Variants in ZNF730 observed in about 807,000 individuals in gnomAD.
ZNF730 encodes the protein zinc finger protein 730, also known as putative zinc finger protein 730.
In ZNF730, 12 loss-of-function variants were observed where a neutral mutation model predicts 12.6. The observed-to-expected ratio is 0.95, with a 90% confidence interval of 0.61 to 1.54. The LOEUF (loss-of-function observed/expected upper bound fraction) is 1.54. Ranked by LOEUF, ZNF730 falls within the 40% of genes most tolerant of loss-of-function variation. The probability of loss-of-function intolerance (pLI) is 0.00; values close to 1 mark genes in which losing one functional copy is unlikely to be tolerated. For synonymous variants in ZNF730, 194 were observed against 195.8 expected (o/e 0.99, Z 0.08); for missense variants, 643 against 583.5 (o/e 1.10, Z -1.05).
intron 1 of ZNF730, among the ~76,000 whole-genome samples, chr19:23,094,755 T>G (rs1970222031): frequency 6.6e-6 from 1 of 152,202 alleles, no homozygotes; most frequent in African/African-American, 2.4e-5. Context: ...ATTACAGTCG[T>G]GAGCCAAGGA....
chr19:23,140,630 A>G (rs549989564), intron 3 of ZNF730, among the ~76,000 whole-genome samples: 1 of 148,036 alleles, frequency 6.8e-6, no homozygotes, highest in Admixed American at 6.8e-5. Context: ...AAAAAGATGT[A>G]AAAACATATA....
At chr19:23,109,654 G>C (rs1425352898) in intron 1 of ZNF730, among the ~76,000 whole-genome samples, 1 of 151,976 alleles carries the variant, frequency 6.6e-6, no homozygotes, top group African/African-American at 2.4e-5. Flanking sequence ...TTGAATTCCT[G>C]AGCCCGCCTC....
chr19:23,087,865 G>A (rs1376971056), intron 1 of ZNF730, among the ~76,000 whole-genome samples: 6 of 151,862 alleles, frequency 4.0e-5, no homozygotes, highest in African/African-American at 7.2e-5. Context: ...CCACCACCTC[G>A]GCCTCCCAAA....
intron 1 of ZNF730, among the ~76,000 whole-genome samples, chr19:23,103,606 A>G (rs140728205): frequency 1.1e-4 from 17 of 152,270 alleles, no homozygotes; most frequent in African/African-American, 4.1e-4. Flanking sequence ...TGGATACTTC[A>G]GAGGGTCCCT....
chr19:23,093,717 G>T (rs1169226145), intron 1 of ZNF730, among the ~76,000 whole-genome samples: 1 of 152,210 alleles, frequency 6.6e-6, no homozygotes, highest in African/African-American at 2.4e-5. Context: ...CACCCCAGGG[G>T]TAGGGTGGTC....
chr19:23,091,300 G>A (rs1048360526), intron 1 of ZNF730, among the ~76,000 whole-genome samples: 8 of 152,216 alleles, frequency 5.3e-5, no homozygotes, highest in African/African-American at 1.9e-4. Context: ...TTTGCTGCAG[G>A]GGTGGAGCCC....
chr19:23,077,424 C>CTTTTTTTTTTTT (rs71163442), intron 1 of ZNF730, among the ~76,000 whole-genome samples: 2 of 45,568 alleles, frequency 4.4e-5, no homozygotes, highest in African/African-American at 1.8e-4. Flanking sequence ...TCCCTAAGAG[C>CTTTTTTTTTTTT]TTTTTTTTTT....
intron 3 of ZNF730, among the ~76,000 whole-genome samples, chr19:23,137,005 C>T (rs926650955): frequency 3.9e-5 from 6 of 151,950 alleles, no homozygotes; most frequent in African/African-American, 1.5e-4. Context: ...CCTGTCTCTA[C>T]TAAAAATACA....
chr19:23,078,055 C>T (rs957843575), intron 1 of ZNF730, among the ~76,000 whole-genome samples: 6 of 152,150 alleles, frequency 3.9e-5, no homozygotes, highest in Admixed American at 3.9e-4. Flanking sequence ...GGGACCTCTG[C>T]CTAGGAAAGC....
At chr19:23,092,851 T>G (rs996289442) in intron 1 of ZNF730, among the ~76,000 whole-genome samples, 3 of 152,194 alleles carry the variant, frequency 2.0e-5, no homozygotes, top group African/African-American at 7.2e-5. Flanking sequence ...TGTTGAAATT[T>G]TTTGCATCAC....
At chr19:23,118,348 G>A (rs1001940175) in intron 1 of ZNF730, among the ~76,000 whole-genome samples, 1 of 150,412 alleles carries the variant, frequency 6.6e-6, no homozygotes, top group East Asian at 1.9e-4. Context: ...AAGTGTTTTG[G>A]GGTCAAGTTT....
intron 1 of ZNF730, among the ~76,000 whole-genome samples, chr19:23,102,659 C>T (rs970023207): frequency 1.3e-4 from 20 of 152,050 alleles, no homozygotes; most frequent in African/African-American, 4.6e-4. Context: ...CCAATCCCGG[C>T]TAATTTTTGT....
At chr19:23,105,911 G>C (rs1185976297) in intron 1 of ZNF730, among the ~76,000 whole-genome samples, 1 of 152,152 alleles carries the variant, frequency 6.6e-6, no homozygotes, top group Non-Finnish European at 1.5e-5. Context: ...AGTCAGACAT[G>C]CATTTCCTTC....
intron 1 of ZNF730, chr19:23,123,662 A>AGG (rs1568312222): frequency 6.6e-6 from 1 of 151,768 alleles, no homozygotes; most frequent in Non-Finnish European, 1.5e-5. Context: ...TCATGCTGAG[A>AGG]GTAGCCATGC....
At chr19:23,137,911 T>C (rs1319711785) in intron 3 of ZNF730, among the ~76,000 whole-genome samples, 2 of 152,208 alleles carry the variant, frequency 1.3e-5, no homozygotes, top group African/African-American at 4.8e-5. Context: ...AGGACTTTGC[T>C]CTGTAGGGTA....
At chr19:23,134,280 T>TG (rs1292529291) in intron 2 of ZNF730, 74 bp downstream of exon 2, 2 of 1,306,988 alleles carry the variant, frequency 1.5e-6, no homozygotes, top group East Asian at 5.3e-5. Flanking sequence ...ATTCTGTGCT[T>TG]TCAGATCCCG....
At chr19:23,114,300 C>CTTTTTTTTTTTTTT (rs11413226), upstream of ZNF730, among the ~76,000 whole-genome samples, 20 of 119,524 alleles carry the variant, frequency 1.7e-4, 3 homozygotes, top group African/African-American at 3.5e-4. Context: ...TTTTCTTTTT[C>CTTTTTTTTTTTTTT]TTTTCTTTTT....
intron 1 of ZNF730, among the ~76,000 whole-genome samples, chr19:23,132,367 T>A (rs890606169): frequency 2.0e-5 from 3 of 152,224 alleles, no homozygotes; most frequent in Non-Finnish European, 2.9e-5. Flanking sequence ...CCACTCTGCC[T>A]GCTAGAATGC....
chr19:23,084,320 T>C (rs1943810579), intron 1 of ZNF730, among the ~76,000 whole-genome samples: 1 of 152,214 alleles, frequency 6.6e-6, no homozygotes, highest in Admixed American at 6.5e-5. Flanking sequence ...ATAATAGCCA[T>C]GTAGCAAATT....
Sources: allele counts gnomAD v4.1 joint callset (sites outside exome capture counted in the v4.1 genomes callset), GRCh38; gene constraint gnomAD v4.1.1; transcripts MANE v1.5; gene names NCBI Gene and HGNC (gene_info 2026-07-23, HGNC 2026-07-21).